The following HECW1 variants were observed in gnomAD, a reference collection of about 807,000 sequenced individuals.
HECW1 encodes E3 ubiquitin-protein ligase HECW1.
Under a neutral mutation model 182.3 loss-of-function variants are expected in HECW1, and 61 were observed. The ratio of observed to expected loss-of-function variants is 0.33; its 90% confidence interval spans 0.27 to 0.41. The LOEUF (loss-of-function observed/expected upper bound fraction) is 0.41, where lower values mean the gene tolerates loss of function less well. Among genes scored for constraint, HECW1 ranks in the 10% least tolerant of loss-of-function variants. The probability of loss-of-function intolerance (pLI) is 1.00; values close to 1 mark genes in which losing one functional copy is unlikely to be tolerated. For synonymous variants in HECW1, 859 were observed against 832.6 expected, an observed-to-expected ratio of 1.03 and a Z score of -0.55; for missense variants, 1,739 against 2,108.9, an observed-to-expected ratio of 0.82 and a Z score of 3.44.
intron 2 of HECW1, among the ~76,000 whole-genome samples, chr7:43,202,043 C>T (rs1228493814): frequency 6.6e-6 from 1 of 152,188 alleles, no homozygotes; most frequent in African/African-American, 2.4e-5. Context: ...TTAGCCAACA[C>T]TGAACTACTC....
chr7:43,254,925 T>G (rs1225276088), intron 3 of HECW1, among the ~76,000 whole-genome samples: 2 of 152,226 alleles, frequency 1.3e-5, no homozygotes, highest in Non-Finnish European at 2.9e-5. Flanking sequence ...GCTGCCATCT[T>G]GGTTTGCTCC....
intron 24 of HECW1, among the ~76,000 whole-genome samples, chr7:43,517,115 A>G (rs979978912): frequency 1.3e-5 from 2 of 152,212 alleles, no homozygotes; most frequent in Non-Finnish European, 2.9e-5. Context: ...CACTCTTTAC[A>G]TAATTGTCAG....
intron 2 of HECW1, among the ~76,000 whole-genome samples, chr7:43,210,469 G>A (rs532422908): frequency 7.9e-5 from 12 of 151,384 alleles, no homozygotes; most frequent in Non-Finnish European, 1.5e-4. Context: ...GTGTGTGTGT[G>A]TGTGTGTGGT....
intron 24 of HECW1, among the ~76,000 whole-genome samples, chr7:43,523,741 C>G (rs1201833329): frequency 6.6e-6 from 1 of 152,038 alleles, no homozygotes; most frequent in Non-Finnish European, 1.5e-5. Flanking sequence ...GCGCCGAAAG[C>G]AAGAACCAGA....
In HECW1 at chr7:43,540,395, G is replaced by T. The variant is rs374385718; in HGVS notation, c.4020-768G>T. 8.5e-5 allele frequency among the ~76,000 whole-genome samples: 13 copies of T among 152,322 alleles called. No homozygotes were observed. The South Asian group carries it at 2.3e-3, about 27-fold the overall frequency. On this transcript the variant is annotated intron_variant, in intron 24 of 29. Coordinates refer to ENST00000395891, the MANE Select transcript of HECW1 (RefSeq NM_015052.5). ...AAAGCATAGGATGCTAGACCAGGCA[G>T]GCAAGAAGCTGGTTTAGGAGCAGGC...
chr7:43,387,371 C>T (rs1166116217), intron 6 of HECW1, among the ~76,000 whole-genome samples: 29 of 152,118 alleles, frequency 1.9e-4, no homozygotes, highest in Admixed American at 1.8e-3. Context: ...TGGTGTCTTT[C>T]TGATTAAAGG....
chr7:43,184,432 T>C (rs1018467387), intron 2 of HECW1, among the ~76,000 whole-genome samples: 6 of 152,194 alleles, frequency 3.9e-5, no homozygotes, highest in Admixed American at 2.6e-4. Context: ...CTATGAAATA[T>C]GTATTTGGTC....
intron 3 of HECW1, among the ~76,000 whole-genome samples, chr7:43,279,560 T>C (rs547872642): frequency 1.3e-5 from 2 of 152,270 alleles, no homozygotes; most frequent in East Asian, 1.9e-4. Context: ...CTTGAACCTG[T>C]TGGGAATTCC....
intron 2 of HECW1, among the ~76,000 whole-genome samples, chr7:43,189,358 C>T (rs1793685774): frequency 6.7e-6 from 1 of 150,236 alleles, no homozygotes; most frequent in African/African-American, 2.5e-5. Context: ...CTAATTAGCT[C>T]TCAGGCGATA....
chr7:43,345,830 C>CAT (rs1387667374), intron 5 of HECW1, among the ~76,000 whole-genome samples: 1 of 145,268 alleles, frequency 6.9e-6, no homozygotes. Context: ...ACACACACAT[C>CAT]ATATATATAT....
At chr7:43,552,359 G>A in intron 28 of HECW1, 23 bp downstream of exon 28, 2 of 1,280,930 alleles carry the variant, frequency 1.6e-6, no homozygotes, top group Non-Finnish European at 2.3e-6. Context: ...GAGCTGTAAT[G>A]ATGCAATGAT....
intron 7 of HECW1, among the ~76,000 whole-genome samples, chr7:43,397,291 C>T (rs922623301): frequency 1.3e-5 from 2 of 152,148 alleles, no homozygotes; most frequent in South Asian, 2.1e-4. Context: ...CTCAAAAATG[C>T]TCATTCATGG....
intron 2 of HECW1, among the ~76,000 whole-genome samples, chr7:43,116,772 T>A (rs1007640016): frequency 1.1e-4 from 16 of 152,246 alleles, no homozygotes; most frequent in African/African-American, 3.6e-4. Context: ...CAGTATGAAA[T>A]GCTCTGTGGG....
At chr7:43,395,316 C>T (rs1217950814) in intron 6 of HECW1, among the ~76,000 whole-genome samples, 3 of 152,312 alleles carry the variant, frequency 2.0e-5, no homozygotes. Context: ...TTAGTTCAGC[C>T]TATGCCCAGG....
intron 8 of HECW1, among the ~76,000 whole-genome samples, chr7:43,413,038 C>A (rs2075864097): frequency 6.7e-6 from 1 of 148,664 alleles, no homozygotes; most frequent in South Asian, 2.2e-4. Context: ...CACTGACTTC[C>A]ACAATGGTTG....
intron 8 of HECW1, among the ~76,000 whole-genome samples, chr7:43,413,942 T>A (rs1431846042): frequency 6.9e-6 from 1 of 144,448 alleles, no homozygotes; most frequent in Non-Finnish European, 1.5e-5. Context: ...ATGCGGGCTC[T>A]TTTTTGGTTC....
chr7:43,442,573 A>G lies in HECW1; in HGVS notation c.989A>G (p.Asp330Gly). Residue 330 changes from aspartate (D) to glycine (G), a missense_variant, in exon 10 of 30, where the codon GAT (aspartate) becomes GGT (glycine). Around this residue, in one of 5 missense-constraint regions of HECW1, gnomAD observed 66 missense variants for 113.8 expected, o/e 0.58. Coordinates refer to ENST00000395891, the MANE Select transcript of HECW1 (RefSeq NM_015052.5). The stretch of plus-strand genomic sequence containing the variant: ...ACACTTGGCCGCAGGCTTCCAACAG[A>G]TCATGTGAGTGGACAGCTGCAATTC... Reference protein sequence around the residue: ...SYTLGRRLPTDHVSGQLQFRF... With the variant: ...SYTLGRRLPTGHVSGQLQFRF... 1.2e-6 allele frequency: 2 copies of G among 1,614,000 alleles called. No individual in the cohort carries two copies. The highest frequency in any genetic ancestry group is 8.5e-7 in the Non-Finnish European group (1 of 1,179,942).
chr7:43,292,948 A>G lies in HECW1; in HGVS notation c.28-18815A>G, dbSNP rs762183885. ...GAACGAAAGCTGGGATTTATTGAAAATGAAAGTACGTCACACCTGTAATCC... is the reference window on the plus strand; with the variant it reads ...GAACGAAAGCTGGGATTTATTGAAAGTGAAAGTACGTCACACCTGTAATCC... On this transcript the variant is annotated intron_variant, in intron 3 of 29. Coordinates refer to ENST00000395891, the MANE Select transcript of HECW1 (RefSeq NM_015052.5). Among the ~76,000 whole-genome samples, 55 of 152,166 alleles carry G rather than the reference A, an allele frequency of 3.6e-4. 1 individual carries two copies. The highest frequency in any genetic ancestry group is 1.8e-4 in the Non-Finnish European group (12 of 68,032).
At chr7:43,352,887 A>G (rs926812581) in intron 5 of HECW1, among the ~76,000 whole-genome samples, 4 of 152,192 alleles carry the variant, frequency 2.6e-5, no homozygotes, top group Non-Finnish European at 4.4e-5. Flanking sequence ...GTCTCCTATC[A>G]TCATTGCATA....
Sources: gnomAD v4.1 joint callset for allele counts (sites outside exome capture counted in the v4.1 genomes callset) on GRCh38, gnomAD v4.1.1 for gene constraint, gnomAD v4.1.1 regional missense constraint, MANE v1.5 for transcripts, NCBI Gene and HGNC (gene_info 2026-07-23, HGNC 2026-07-21) for gene names.